SHROOM4: variants seen among roughly 807,000 people sequenced by gnomAD.
SHROOM4 encodes the protein protein Shroom4.
In SHROOM4, 17 loss-of-function variants were observed where a neutral mutation model predicts 80.3. The observed-to-expected ratio is 0.21, with a 90% CI of 0.14 to 0.32. SHROOM4 has a LOEUF of 0.32. Among genes scored for constraint, SHROOM4 ranks in the 10% least tolerant of loss-of-function variants. The probability of loss-of-function intolerance (pLI) is 1.00; values close to 1 mark genes in which losing one functional copy is unlikely to be tolerated. For missense variants in SHROOM4, 993 were observed against 1,140.3 expected (o/e 0.87, Z 1.86); for synonymous variants, 400 against 437.5 (o/e 0.91, Z 1.07).
intron 2 of SHROOM4, among the ~76,000 whole-genome samples, chrX:50,654,255 A>G (rs1249038772): frequency 2.7e-5 from 3 of 111,514 alleles, no homozygotes; most frequent in Non-Finnish European, 5.6e-5. Flanking sequence ...AGCAGTTGCC[A>G]TATATGTACT....
intron 2 of SHROOM4, among the ~76,000 whole-genome samples, chrX:50,661,432 G>C (rs1183450329): frequency 9.0e-6 from 1 of 111,382 alleles, no homozygotes. Flanking sequence ...TCCTGAGCTC[G>C]GGTAATCTGC....
At chrX:50,578,626 G>C in the SHROOM4 span, among the ~76,000 whole-genome samples, 1 of 111,317 alleles carries the variant, frequency 9.0e-6, no homozygotes, top group Non-Finnish European at 1.9e-5. Context: ...TTTTAGTAGA[G>C]ACAGGGTTTC....
chrX:50,638,629 C>T (rs1410468925), intron 2 of SHROOM4, among the ~76,000 whole-genome samples: 1 of 112,478 alleles, frequency 8.9e-6, no homozygotes, highest in East Asian at 2.8e-4. Flanking sequence ...GTGAGCACAT[C>T]CTCACTTCTC....
intron 5 of SHROOM4, among the ~76,000 whole-genome samples, chrX:50,617,926 C>T (rs1354697338): frequency 9.0e-6 from 1 of 111,518 alleles, no homozygotes; most frequent in South Asian, 3.8e-4. Flanking sequence ...TCTGGGCCAA[C>T]GTGTGTACTA....
intron 1 of SHROOM4, among the ~76,000 whole-genome samples, chrX:50,782,585 C>A (rs1396214196): frequency 1.8e-5 from 2 of 111,486 alleles, no homozygotes; most frequent in African/African-American, 6.5e-5. Flanking sequence ...ATAGTGAAAA[C>A]AATGTAAATA....
chrX:50,757,883 TCTGGGAAGTA>T (rs1202370634), intron 1 of SHROOM4, among the ~76,000 whole-genome samples: 1 of 110,925 alleles, frequency 9.0e-6, no homozygotes, highest in Non-Finnish European at 1.9e-5. Context: ...TGTAGATCCA[TCTGGGAAGTA>T]CAGCCATTTT....
At chrX:50,615,100 G>C (rs993188262) in intron 5 of SHROOM4, among the ~76,000 whole-genome samples, 1 of 40,888 alleles carries the variant, frequency 2.4e-5, no homozygotes, top group East Asian at 4.7e-4. Context: ...TTCTCTTATT[G>C]TGTGTGTGTG....
At chrX:50,788,706 G>A (rs1557271298) in intron 1 of SHROOM4, among the ~76,000 whole-genome samples, 1 of 111,528 alleles carries the variant, frequency 9.0e-6, no homozygotes, top group Admixed American at 9.5e-5. Context: ...TAAATGGGTT[G>A]ACTCCCAAAT....
intron 1 of SHROOM4, among the ~76,000 whole-genome samples, chrX:50,705,588 C>G (rs1308155966): frequency 3.6e-5 from 4 of 110,967 alleles, no homozygotes; most frequent in Non-Finnish European, 7.6e-5. Context: ...AAGGTTGACC[C>G]CCTCTGATAG....
intron 1 of SHROOM4, among the ~76,000 whole-genome samples, chrX:50,748,336 C>T (rs1254121850): frequency 2.7e-5 from 3 of 111,142 alleles, no homozygotes; most frequent in Non-Finnish European, 5.7e-5. Context: ...GTTGGAAAAA[C>T]TGAATGTAGA....
At chrX:50,682,732 G>A (rs1318595388) in intron 2 of SHROOM4, among the ~76,000 whole-genome samples, 1 of 111,870 alleles carries the variant, frequency 8.9e-6, no homozygotes, top group African/African-American at 3.2e-5. Context: ...TTGGGAAGAA[G>A]GAGCAGAATG....
Position 50,635,277 on chromosome X carries a change from G to C in SHROOM4, c.796C>G (p.Pro266Ala). ...SRPQEGYQSGPAKAVRGPPQP... is the reference protein window; with the variant it reads ...SRPQEGYQSGAAKAVRGPPQP... ...GGTGGGCCCCTGACTGCTTTGGCGG[G>C]CCCTGACTGGTATCCCTCCTGTGGA... is the stretch of plus-strand genomic sequence containing the variant. The change falls in exon 4 of 9, where the codon CCC (proline) becomes GCC (alanine). Residue 266 changes from proline (P) to alanine (A), a missense_variant. By Grantham distance (27) the Pro-to-Ala change is conservative. Transcript: ENST00000376020. The C allele has an allele frequency of 8.3e-7, 1 of 1,200,964 alleles. No individual in the cohort carries two copies. The highest frequency in any genetic ancestry group is 1.7e-5 in the African/African-American group (1 of 57,650).
intron 4 of SHROOM4, 50 bp downstream of exon 4, chrX:50,633,128 C>A: frequency 9.4e-7 from 1 of 1,068,270 alleles, no homozygotes; most frequent in Non-Finnish European, 1.3e-6. Context: ...GTAGCTTTCC[C>A]CTCTCAAAGA....
chrX:50,759,321 C>T lies in SHROOM4; in HGVS notation c.117+54581G>A, dbSNP rs782584404. On this transcript the variant is annotated intron_variant, in intron 1 of 8. Transcript: ENST00000376020. ...GGTGAAAACATATTGAAAAGGTGAG[C>T]CACCTGCAATCCAAAAAGAGAGGCC... Among the ~76,000 whole-genome samples, 11 of 111,772 alleles carry T rather than the reference C, an allele frequency of 9.8e-5. No homozygotes were observed. In the South Asian group the frequency reaches 3.8e-3, roughly 38 times the overall value.
At chrX:50,610,324 C>G (rs1003961304) in intron 5 of SHROOM4, among the ~76,000 whole-genome samples, 9 of 97,431 alleles carry the variant, frequency 9.2e-5, no homozygotes, top group African/African-American at 3.6e-4. Flanking sequence ...AACTGTTCCA[C>G]CTGGCATATT....
intron 6 of SHROOM4, among the ~76,000 whole-genome samples, chrX:50,604,447 C>G: frequency 8.9e-6 from 1 of 111,852 alleles, no homozygotes; most frequent in Non-Finnish European, 1.9e-5. Context: ...AGCCGCTATG[C>G]TATACTGCCA....
At chrX:50,630,417 C>A (rs1263278692) in intron 4 of SHROOM4, among the ~76,000 whole-genome samples, 4 of 111,776 alleles carry the variant, frequency 3.6e-5, no homozygotes, top group African/African-American at 1.3e-4. Context: ...TTAATCCCCA[C>A]AACCAACTTA....
intron 2 of SHROOM4, among the ~76,000 whole-genome samples, chrX:50,690,016 G>C (rs1933181508): frequency 9.0e-6 from 1 of 111,653 alleles, no homozygotes; most frequent in African/African-American, 3.2e-5. Context: ...ATTAAACGTG[G>C]CTATTTCTAG....
At chrX:50,749,971 G>A (rs1339828869) in intron 1 of SHROOM4, among the ~76,000 whole-genome samples, 1 of 111,633 alleles carries the variant, frequency 9.0e-6, no homozygotes, top group Non-Finnish European at 1.9e-5. Context: ...AAGCCACAGT[G>A]AACTGGAATT....
Sources: allele counts gnomAD v4.1 joint callset (sites outside exome capture counted in the v4.1 genomes callset), GRCh38; gene constraint gnomAD v4.1.1; transcripts MANE v1.5; gene names NCBI Gene and HGNC (gene_info 2026-07-23, HGNC 2026-07-21).